The following NCOA1 variants were observed in gnomAD, a reference collection of about 807,000 sequenced individuals.
NCOA1 encodes the protein Hin-2 protein.
In NCOA1, 35 loss-of-function variants were observed where a neutral mutation model predicts 150.9. The ratio of observed to expected loss-of-function variants is 0.23; its 90% CI spans 0.18 to 0.31. The LOEUF (loss-of-function observed/expected upper bound fraction) is 0.31, where lower values mean the gene tolerates loss of function less well. NCOA1 is among the 10% of genes least tolerant of loss of function. The pLI, the probability that NCOA1 is intolerant of heterozygous loss-of-function variation, is 1.00. For synonymous variants in NCOA1, 590 were observed against 630.0 expected (o/e 0.94, Z 0.95); for missense variants, 1,491 against 1,749.3 (o/e 0.85, Z 2.63).
chr2:24,691,506 G>A lies in NCOA1; in HGVS notation c.558G>A (p.Glu186=), dbSNP rs1017636368. Residue 186 remains glutamate (E), a synonymous_variant, in exon 9 of 23, where the codon GAG becomes GAA. Transcript: ENST00000348332. ...SLVNGVPWPQ[E]ATRRNSHTFN... ...TAAATGGAGTTCCTTGGCCTCAAGAGGCAACACGACGAAATAGCCATACCT... is the reference window on the plus strand; with the variant it reads ...TAAATGGAGTTCCTTGGCCTCAAGAAGCAACACGACGAAATAGCCATACCT... The A allele has an allele frequency of 6.2e-7, 1 of 1,613,866 alleles. No individual in the cohort carries two copies. Among genetic ancestry groups the A allele is most frequent in the Admixed American group, 1.7e-5 (1 of 59,984 alleles).
At chr2:24,697,879 G>C in intron 11 of NCOA1, 81 bp downstream of exon 11, 1 of 1,345,358 alleles carries the variant, frequency 7.4e-7, no homozygotes, top group Non-Finnish European at 1.0e-6. Context: ...CTTATGGCTT[G>C]ATAAGTATTT....
In NCOA1 at chr2:24,718,898, G is replaced by A. The variant is rs540697353; in HGVS notation, c.2600-7691G>A. ...AAAAAAAAAAGCCAGGTGTGGTGGC[G>A]GGCGCCTGTAATCACAGCTTCTAGG... On this transcript the variant is annotated intron_variant, in intron 14 of 22. Transcript: ENST00000348332. Among the ~76,000 whole-genome samples the A allele has an allele frequency of 1.4e-3, 202 of 149,468 alleles. 1 individual carries two copies. Among genetic ancestry groups the A allele is most frequent in the Middle Eastern group, 7.0e-3 (2 of 286 alleles).
intron 3 of NCOA1, among the ~76,000 whole-genome samples, chr2:24,633,070 A>G (rs1346953752): frequency 6.6e-6 from 1 of 152,184 alleles, no homozygotes; most frequent in Non-Finnish European, 1.5e-5. Context: ...AGAAAACTTG[A>G]TGTATATGTA....
intron 14 of NCOA1, among the ~76,000 whole-genome samples, chr2:24,714,830 A>G (rs1673936055): frequency 6.6e-6 from 1 of 152,050 alleles, no homozygotes; most frequent in Non-Finnish European, 1.5e-5. Flanking sequence ...AAACCTACAA[A>G]TCCAAGAGTT....
intron 8 of NCOA1, among the ~76,000 whole-genome samples, chr2:24,690,898 G>A (rs1278804078): frequency 6.6e-6 from 1 of 152,016 alleles, no homozygotes; most frequent in Non-Finnish European, 1.5e-5. Context: ...AGGTATTGTA[G>A]CATATGAACT....
At position 24,665,786 on chromosome 2, in the gene NCOA1, T is replaced by G; in HGVS notation, c.127T>G (p.Leu43Val). ...KRRREQENKY[L>V]EELAELLSAN... ...GCGCAGGGAGCAAGAAAATAAATATTTAGAAGAACTAGCTGAGTTACTGTC... is the reference window on the plus strand; with the variant it reads ...GCGCAGGGAGCAAGAAAATAAATATGTAGAAGAACTAGCTGAGTTACTGTC... The change falls in exon 6 of 23, where the codon TTA becomes GTA. Residue 43 changes from leucine to valine, a missense_variant. Physicochemically the swap from Leu to Val is conservative, Grantham distance 32. Around this residue, in one of 8 missense-constraint regions of NCOA1, gnomAD observed 80 missense variants for 163.0 expected, o/e 0.49. Transcript: ENST00000348332. The G allele has an allele frequency of 6.3e-7, 1 of 1,596,404 alleles. No individual in the cohort carries two copies. The highest frequency in any genetic ancestry group is 1.1e-5 in the South Asian group (1 of 88,244).
At chr2:24,664,040 T>A (rs1256920534) in intron 5 of NCOA1, among the ~76,000 whole-genome samples, 1 of 152,246 alleles carries the variant, frequency 6.6e-6, no homozygotes, top group African/African-American at 2.4e-5. Flanking sequence ...CTTATATCAA[T>A]TAGTTTCTCT....
chr2:24,641,637 A>G (rs964630018), intron 3 of NCOA1, among the ~76,000 whole-genome samples: 1 of 152,142 alleles, frequency 6.6e-6, no homozygotes, highest in African/African-American at 2.4e-5. Context: ...GTGGGTTGAT[A>G]GGGCTCCCCA....
intron 17 of NCOA1, among the ~76,000 whole-genome samples, chr2:24,734,662 C>T (rs1396158893): frequency 6.6e-6 from 1 of 151,974 alleles, no homozygotes; most frequent in Non-Finnish European, 1.5e-5. Flanking sequence ...AAACAAAAAG[C>T]CAGGTGTGGT....
At chr2:24,758,189 C>A in intron 21 of NCOA1, 33 bp downstream of exon 21, 2 of 1,564,682 alleles carry the variant, frequency 1.3e-6, no homozygotes, top group South Asian at 1.2e-5. Flanking sequence ...ACATGCCACA[C>A]CACATCACAG....
At position 24,673,343 on chromosome 2, in the gene NCOA1, T is replaced by C. The variant is rs767910940; in HGVS notation, c.257-23T>C. On this transcript the variant is annotated intron_variant, in intron 6 of 22. Transcript: ENST00000348332. The stretch of plus-strand genomic sequence containing the variant: ...AATAAGCTCTTTTCAGATATGTGAT[T>C]TTTTTAAGTTTCTTTATTATAGAGA... The C allele has an allele frequency of 2.0e-6, 3 of 1,475,446 alleles. No homozygotes were observed. In the South Asian group the frequency reaches 4.1e-5, roughly 20 times the overall value. The allele number at this position is 1,475,446 out of a possible 1,614,324, so 91.4% of individuals were successfully genotyped here.
intron 1 of NCOA1, among the ~76,000 whole-genome samples, chr2:24,523,174 ATG>A (rs1664492514): frequency 1.3e-5 from 2 of 152,126 alleles, no homozygotes; most frequent in Admixed American, 1.3e-4. Context: ...TCCTCCCTTG[ATG>A]TCTTTCTCTC....
chr2:24,561,163 G>A (rs1158115591), intron 1 of NCOA1, among the ~76,000 whole-genome samples: 1 of 152,120 alleles, frequency 6.6e-6, no homozygotes, highest in Non-Finnish European at 1.5e-5. Flanking sequence ...GTATTTGTAG[G>A]TAAATGTCTT....
chr2:24,579,597 A>C (rs149614213), intron 2 of NCOA1, among the ~76,000 whole-genome samples: 1 of 152,216 alleles, frequency 6.6e-6, no homozygotes, highest in East Asian at 1.9e-4. Context: ...AAGTGAGCCT[A>C]TAAGTCTGAA....
chr2:24,663,714 A>G (rs1671287107), intron 5 of NCOA1, among the ~76,000 whole-genome samples: 1 of 152,036 alleles, frequency 6.6e-6, no homozygotes, highest in Non-Finnish European at 1.5e-5. Flanking sequence ...CCCTCATTTT[A>G]TCTCCTTGCT....
At chr2:24,610,339 T>C (rs1447034282) in intron 3 of NCOA1, among the ~76,000 whole-genome samples, 1 of 151,740 alleles carries the variant, frequency 6.6e-6, no homozygotes, top group East Asian at 1.9e-4. Context: ...GACAGGGTTT[T>C]ACCGTGTTAG....
In NCOA1 at chr2:24,769,974, A is replaced by G; in HGVS notation, c.*1583A>G. The G allele has an allele frequency of 4.4e-6, 1 of 226,850 alleles. No individual in the cohort carries two copies. Among genetic ancestry groups the G allele is most frequent in the Non-Finnish European group, 8.8e-6 (1 of 113,692 alleles). The allele number at this position is 226,850 out of a possible 1,614,324, so 14.1% of individuals were successfully genotyped here. On this transcript the variant is annotated 3_prime_UTR_variant, in exon 23 of 23. Coordinates refer to ENST00000348332, the MANE Select transcript of NCOA1 (RefSeq NM_003743.5). Reference sequence around the variant, plus strand: ...AAGAGGAGCATGGACTCAGACTTCAAGGAAGAAGCCATTTCCCCAGGTCCT... The same window carrying G: ...AAGAGGAGCATGGACTCAGACTTCAGGGAAGAAGCCATTTCCCCAGGTCCT...
chr2:24,750,930 G>A (rs1052745739), intron 19 of NCOA1, among the ~76,000 whole-genome samples: 4 of 148,592 alleles, frequency 2.7e-5, no homozygotes, highest in African/African-American at 9.8e-5. Context: ...GGGAAGGAGG[G>A]GGGGAAGAGT....
intron 19 of NCOA1, among the ~76,000 whole-genome samples, chr2:24,747,070 T>G (rs1474530876): frequency 6.6e-6 from 1 of 151,912 alleles, no homozygotes; most frequent in African/African-American, 2.4e-5. Context: ...AATAATAAAT[T>G]TAAAAGACCA....
Sources: allele counts gnomAD v4.1 joint callset (sites outside exome capture counted in the v4.1 genomes callset), GRCh38; gene constraint gnomAD v4.1.1; regional missense constraint gnomAD v4.1.1; transcripts MANE v1.5; gene names NCBI Gene and HGNC (gene_info 2026-07-23, HGNC 2026-07-21).